ZNF407: variants seen among roughly 807,000 people sequenced by gnomAD.
The protein encoded by ZNF407 is zinc finger protein 407.
Under a neutral mutation model 131.2 loss-of-function variants are expected in ZNF407, and 17 were observed. The observed-to-expected ratio is 0.13, with a 90% CI of 0.09 to 0.19. The LOEUF (loss-of-function observed/expected upper bound fraction) is 0.19. ZNF407 is among the 10% of genes least tolerant of loss of function. The pLI is 1.00. For missense variants in ZNF407, 2,681 were observed against 2,830.6 expected, an observed-to-expected ratio of 0.95 and a Z score of 1.20; for synonymous variants, 1,156 against 1,062.0, an observed-to-expected ratio of 1.09 and a Z score of -1.72.
intron 2 of ZNF407, among the ~76,000 whole-genome samples, chr18:74,638,854 A>C (rs1349109345): frequency 1.3e-5 from 2 of 152,208 alleles, no homozygotes. Context: ...TCATTTCGGA[A>C]AGTACATAGC....
At chr18:74,900,950 C>T (rs1971516724) in intron 7 of ZNF407, among the ~76,000 whole-genome samples, 1 of 152,044 alleles carries the variant, frequency 6.6e-6, no homozygotes, top group African/African-American at 2.4e-5. Flanking sequence ...ATATGTAATT[C>T]TCTTGGAGTG....
intron 1 of ZNF407, among the ~76,000 whole-genome samples, chr18:74,602,311 T>C (rs1156572489): frequency 6.6e-6 from 1 of 152,182 alleles, no homozygotes; most frequent in African/African-American, 2.4e-5. Context: ...TAGAGAGAGA[T>C]GATGGTCTCC....
chr18:74,886,827 T>C (rs949645332), intron 6 of ZNF407, among the ~76,000 whole-genome samples: 5 of 152,190 alleles, frequency 3.3e-5, no homozygotes, highest in Admixed American at 2.0e-4. Context: ...GTTTCATCAA[T>C]AACAAAACTT....
intron 3 of ZNF407, among the ~76,000 whole-genome samples, chr18:74,743,635 C>T (rs1454027480): frequency 6.6e-6 from 1 of 151,946 alleles, no homozygotes; most frequent in African/African-American, 2.4e-5. Context: ...AATTGGTATT[C>T]ATACAGGTAT....
chr18:74,771,879 C>G (rs1159696787), intron 3 of ZNF407, among the ~76,000 whole-genome samples: 2 of 151,914 alleles, frequency 1.3e-5, no homozygotes, highest in Non-Finnish European at 2.9e-5. Flanking sequence ...AATCTCTATG[C>G]TTATATCAAT....
At chr18:75,036,469 A>G (rs1173421285) in intron 8 of ZNF407, among the ~76,000 whole-genome samples, 2 of 152,246 alleles carry the variant, frequency 1.3e-5, no homozygotes, top group African/African-American at 2.4e-5. Flanking sequence ...TTCACACCCA[A>G]GATGAGGAAA....
intron 3 of ZNF407, among the ~76,000 whole-genome samples, chr18:74,697,979 G>GA (rs948746869): frequency 6.6e-6 from 1 of 152,108 alleles, no homozygotes; most frequent in African/African-American, 2.4e-5. Context: ...CAGCACAGAA[G>GA]AAAAAATCCA....
intron 3 of ZNF407, among the ~76,000 whole-genome samples, chr18:74,758,754 C>T (rs927964435): frequency 6.6e-6 from 1 of 151,984 alleles, no homozygotes; most frequent in Non-Finnish European, 1.5e-5. Context: ...CCATGTCCAG[C>T]TAATTGTTTT....
At chr18:74,969,663 C>T (rs533756321) in intron 8 of ZNF407, among the ~76,000 whole-genome samples, 2 of 152,160 alleles carry the variant, frequency 1.3e-5, no homozygotes, top group Non-Finnish European at 2.9e-5. Flanking sequence ...CTTCGTGTCA[C>T]CTGCAAGGGG....
At chr18:74,803,734 G>T (rs1173621003) in intron 4 of ZNF407, among the ~76,000 whole-genome samples, 1 of 152,156 alleles carries the variant, frequency 6.6e-6, no homozygotes, top group Non-Finnish European at 1.5e-5. Flanking sequence ...TTTCTAGTTT[G>T]GTCACATTTA....
At chr18:74,891,485 C>T (rs933675340) in intron 7 of ZNF407, among the ~76,000 whole-genome samples, 1 of 152,214 alleles carries the variant, frequency 6.6e-6, no homozygotes, top group Non-Finnish European at 1.5e-5. Context: ...TTATCAGCTA[C>T]ATTATTGCAT....
intron 1 of ZNF407, among the ~76,000 whole-genome samples, chr18:74,600,738 C>T (rs1475734360): frequency 3.3e-5 from 5 of 152,130 alleles, no homozygotes; most frequent in South Asian, 2.1e-4. Context: ...GACTTCCAAG[C>T]GTCAAAAGGT....
At chr18:75,051,069 G>A (rs17056218) in intron 8 of ZNF407, among the ~76,000 whole-genome samples, 29,206 of 151,984 alleles carry the variant, frequency 0.19, 3,104 homozygotes, top group African/African-American at 0.28. Context: ...AGGAGCTCTC[G>A]GTGTAGCAGG....
chr18:74,786,630 G>A (rs1043377788), intron 4 of ZNF407, among the ~76,000 whole-genome samples: 4 of 151,882 alleles, frequency 2.6e-5, no homozygotes, highest in Non-Finnish European at 5.9e-5. Context: ...ATTTTGTTGC[G>A]TGGGGAAGGG....
At chr18:74,939,311 C>A (rs1019132536) in intron 8 of ZNF407, among the ~76,000 whole-genome samples, 1 of 151,956 alleles carries the variant, frequency 6.6e-6, no homozygotes, top group Non-Finnish European at 1.5e-5. Flanking sequence ...TTAGTGAAGT[C>A]TTTATATATT....
intron 2 of ZNF407, among the ~76,000 whole-genome samples, chr18:74,640,160 G>A (rs73971118): frequency 0.029 from 4,402 of 152,072 alleles, 194 homozygotes; most frequent in African/African-American, 0.094. Context: ...TTAAAAGAGC[G>A]TTATTTCTCA....
At position 74,641,066 on chromosome 18, in the gene ZNF407, C is replaced by T. The variant is rs760812657; in HGVS notation, c.4746C>T (p.Ala1582=). 1 of 1,613,320 alleles carries T rather than the reference C, an allele frequency of 6.2e-7. No individual in the cohort carries two copies. The highest frequency in any genetic ancestry group is 1.1e-5 in the South Asian group (1 of 91,060). Residue 1582 remains alanine (A), a synonymous_variant, in exon 3 of 9, where the codon GCC becomes GCT. Coordinates refer to ENST00000299687, the MANE Select transcript of ZNF407 (RefSeq NM_017757.3). ...TTGCAACAGCTCAGCTTGGAGATGCCAGAAACCATGTGAAAAGGCACCTTG... is the reference window on the plus strand; with the variant it reads ...TTGCAACAGCTCAGCTTGGAGATGCTAGAAACCATGTGAAAAGGCACCTTG... ...CHFATAQLGD[A]RNHVKRHLGM...
In ZNF407 at chr18:74,764,404, T is replaced by C. The variant is rs542175077; in HGVS notation, c.4803-17024T>C. 6.6e-5 allele frequency among the ~76,000 whole-genome samples: 10 copies of C among 152,344 alleles called. No individual in the cohort carries two copies. In the South Asian group the frequency reaches 2.1e-3, roughly 32 times the overall value. ...TTTTTTATCTCATGTGTTTTATTTC[T>C]AGACATGTGGTTTGGATTTTTAAAA... is the stretch of plus-strand genomic sequence containing the variant. On this transcript the variant is annotated intron_variant, in intron 3 of 8. Transcript: ENST00000299687.
intron 4 of ZNF407, among the ~76,000 whole-genome samples, chr18:74,868,844 G>A (rs79175152): frequency 0.027 from 4,073 of 152,274 alleles, 164 homozygotes; most frequent in African/African-American, 0.09. Context: ...GGGTTCTGAT[G>A]TTCTCATTAT....
Sources: gnomAD v4.1 joint callset for allele counts (sites outside exome capture counted in the v4.1 genomes callset) on GRCh38, gnomAD v4.1.1 for gene constraint, MANE v1.5 for transcripts, NCBI Gene and HGNC (gene_info 2026-07-23, HGNC 2026-07-21) for gene names.